RPTOR: variants seen among roughly 807,000 people sequenced by gnomAD.
RPTOR encodes the protein regulatory associated protein of MTOR complex 1, also known as regulatory-associated protein of mTOR.
RPTOR carries 21 observed loss-of-function variants against 169.9 expected under a neutral mutation model. That is an observed-to-expected ratio of 0.12 (90% CI 0.09 to 0.18). RPTOR has a LOEUF of 0.18. Ranked by LOEUF, RPTOR falls within the 10% of genes least tolerant of loss-of-function variation. The probability of loss-of-function intolerance (pLI) is 1.00; values close to 1 mark genes in which losing one functional copy is unlikely to be tolerated. For missense variants in RPTOR, 1,133 were observed against 1,855.9 expected (o/e 0.61, Z 7.16); for synonymous variants, 732 against 753.2 (o/e 0.97, Z 0.46).
At chr17:80,893,298 G>GGT (rs1032401267) in intron 19 of RPTOR, among the ~76,000 whole-genome samples, 1 of 149,480 alleles carries the variant, frequency 6.7e-6, no homozygotes, top group African/African-American at 2.5e-5. Flanking sequence ...GTGTGCGCCG[G>GGT]GTGTGTGTGT....
rs2069116814 is a variant in RPTOR, at chr17:80,947,409, G to C, written c.3265+58G>C. 6.8e-6 allele frequency: 10 copies of C among 1,479,776 alleles called. No individual in the cohort carries two copies. Among genetic ancestry groups the C allele is most frequent in the Admixed American group, 2.5e-5 (1 of 40,094 alleles). 91.7% of individuals were successfully genotyped at this position (1,479,776 alleles called of 1,614,324 possible). A position where few individuals can be genotyped will look rare whatever the true frequency, so the allele number is the denominator to read the frequency against. On this transcript the variant is annotated intron_variant, in intron 27 of 33. Transcript: ENST00000306801. The surrounding 1 kb of genome is among the most constrained non-coding windows in gnomAD (Gnocchi z 4.4). ...CCAGGGTCTGGAGGAGTGGCGGGGA[G>C]GGTGTGTGATCCTGAGATGTGTTTG...
In RPTOR at chr17:80,957,622, A is replaced by G; in HGVS notation, c.3371-2A>G. On this transcript the variant is annotated splice_acceptor_variant, in intron 28 of 33. Transcript: ENST00000306801. LOFTEE classifies it high-confidence loss of function. This position sits in a 1 kb window ranked among gnomAD's most constrained non-coding sequence, Gnocchi z 4.6. ...ATGCCATGTCCCACTGTATCTCTCCAGGAGCTGGGATGGTGGTGGACTGGG... is the reference window on the plus strand; with the variant it reads ...ATGCCATGTCCCACTGTATCTCTCCGGGAGCTGGGATGGTGGTGGACTGGG... The G allele has an allele frequency of 6.2e-7, 1 of 1,613,902 alleles. No homozygotes were observed. The highest frequency in any genetic ancestry group is 8.5e-7 in the Non-Finnish European group (1 of 1,179,852).
chr17:80,664,448 A>T (rs542095888), intron 3 of RPTOR, among the ~76,000 whole-genome samples: 23 of 151,984 alleles, frequency 1.5e-4, no homozygotes, highest in African/African-American at 5.6e-4. Flanking sequence ...ATGGCCTACC[A>T]TCCTGCAGCC....
chr17:80,884,906 G>A (rs905357477), intron 16 of RPTOR, 102 bp from the exon 17 acceptor site: 32 of 1,432,254 alleles, frequency 2.2e-5, no homozygotes, highest in Non-Finnish European at 2.9e-5. Context: ...TTGAGCAAGC[G>A]CCTGTGGGGT....
intron 3 of RPTOR, among the ~76,000 whole-genome samples, chr17:80,698,471 G>T (rs975397254): frequency 2.0e-5 from 3 of 152,220 alleles, no homozygotes; most frequent in Admixed American, 6.5e-5. Flanking sequence ...GCTCCCCGGG[G>T]GCCATTCCAG....
intron 7 of RPTOR, among the ~76,000 whole-genome samples, chr17:80,819,794 G>T (rs2067360790): frequency 6.6e-6 from 1 of 152,230 alleles, no homozygotes; most frequent in South Asian, 2.1e-4. Context: ...TGGACTTTGA[G>T]TGATGCAGTA....
At chr17:80,887,142 A>G (rs913598250) in intron 17 of RPTOR, among the ~76,000 whole-genome samples, 2 of 151,750 alleles carry the variant, frequency 1.3e-5, no homozygotes, top group Non-Finnish European at 2.9e-5. Flanking sequence ...TCAGAGAAAG[A>G]CACCGTCACT....
rs1456730470 is a variant in RPTOR at position 80,841,256 on chromosome 17, CCG to C, written c.1212+3261_1212+3262del. 7.5e-5 allele frequency among the ~76,000 whole-genome samples: 8 copies of C among 106,058 alleles called. 2 individuals are homozygous for C. The highest frequency in any genetic ancestry group is 3.1e-4 in the African/African-American group (8 of 25,620). 69.6% of individuals were successfully genotyped at this position (106,058 alleles called of 152,430 possible). ...CTCACCGCACGGCAGCTCACTCTCACCGCACCGCAGCTCACTCTCACCGCACG... is the reference window on the plus strand; with the variant it reads ...CTCACCGCACGGCAGCTCACTCTCACCACCGCAGCTCACTCTCACCGCACG... On this transcript the variant is annotated intron_variant, in intron 10 of 33. Transcript: ENST00000306801.
chr17:80,841,083 T>A (rs1179420154), intron 10 of RPTOR, among the ~76,000 whole-genome samples: 1 of 45,642 alleles, frequency 2.2e-5, no homozygotes. Flanking sequence ...GGCAACTCAC[T>A]CTCACCACAC....
At chr17:80,927,744 G>GTGTGTCTGTT in intron 24 of RPTOR, among the ~76,000 whole-genome samples, 1 of 151,222 alleles carries the variant, frequency 6.6e-6, no homozygotes, top group Non-Finnish European at 1.5e-5. Context: ...GTGTGTCTGT[G>GTGTGTCTGTT]TGTGTGTGTC....
At chr17:80,942,047 G>A (rs1328544494) in intron 25 of RPTOR, 1 of 152,238 alleles carries the variant, frequency 6.6e-6, no homozygotes, top group Admixed American at 6.5e-5. Context: ...AGCATCGCAT[G>A]TTGCAATCCG....
At chr17:80,639,794 G>C in intron 2 of RPTOR, among the ~76,000 whole-genome samples, 1 of 152,194 alleles carries the variant, frequency 6.6e-6, no homozygotes, top group East Asian at 1.9e-4. Flanking sequence ...AGCAGTGGCT[G>C]GTGGAGTGCC....
At chr17:80,693,234 G>T (rs2066007631) in intron 3 of RPTOR, among the ~76,000 whole-genome samples, 1 of 152,210 alleles carries the variant, frequency 6.6e-6, no homozygotes, top group African/African-American at 2.4e-5. Flanking sequence ...TGTGTAGCAG[G>T]TCCCCAGGCC....
intron 21 of RPTOR, among the ~76,000 whole-genome samples, chr17:80,921,264 C>T (rs910669925): frequency 2.0e-5 from 3 of 152,232 alleles, no homozygotes; most frequent in Non-Finnish European, 4.4e-5. Flanking sequence ...GATGGGCCGG[C>T]GCTCAGGGAA....
intron 3 of RPTOR, among the ~76,000 whole-genome samples, chr17:80,660,818 C>T (rs551401244): frequency 8.4e-4 from 128 of 152,058 alleles, no homozygotes; most frequent in African/African-American, 2.7e-3. Flanking sequence ...CCATTCCCAT[C>T]GTTCCCCACC....
At chr17:80,763,589 TACG>T (rs2066756512) in intron 6 of RPTOR, among the ~76,000 whole-genome samples, 1 of 152,178 alleles carries the variant, frequency 6.6e-6, no homozygotes, top group Non-Finnish European at 1.5e-5. Context: ...GCAACGTAAA[TACG>T]ACTTTTGTCA....
chr17:80,943,344 A>T (rs1197839466), intron 25 of RPTOR, among the ~76,000 whole-genome samples: 2 of 152,340 alleles, frequency 1.3e-5, no homozygotes, highest in African/African-American at 4.8e-5. Flanking sequence ...TCAGCTAAAA[A>T]CAGGGTCTTT....
intron 5 of RPTOR, among the ~76,000 whole-genome samples, chr17:80,753,088 T>C (rs1458160314): frequency 1.3e-5 from 2 of 152,220 alleles, no homozygotes; most frequent in Non-Finnish European, 2.9e-5. Flanking sequence ...ACAAAATTAA[T>C]GCACATTTGT....
At chr17:80,706,301 C>T (rs147070106) in intron 3 of RPTOR, among the ~76,000 whole-genome samples, 21 of 152,196 alleles carry the variant, frequency 1.4e-4, no homozygotes, top group Admixed American at 4.6e-4. Flanking sequence ...TTTACTCTGT[C>T]GGTTCTTCTT....
Sources: allele counts gnomAD v4.1 joint callset (sites outside exome capture counted in the v4.1 genomes callset), GRCh38; gene constraint gnomAD v4.1.1; non-coding constraint Gnocchi (gnomAD v3.1); transcripts MANE v1.5; gene names NCBI Gene and HGNC (gene_info 2026-07-23, HGNC 2026-07-21).